The following NLGN4X variants were observed in gnomAD, a reference collection of about 807,000 sequenced individuals.
NLGN4X encodes the protein neuroligin 4 X-linked.
A neutral mutation model predicts 40.3 loss-of-function variants in NLGN4X; 3 were observed. The ratio of observed to expected loss-of-function variants is 0.07; its 90% CI spans 0.03 to 0.19. The LOEUF is 0.19. NLGN4X is among the 10% of genes least tolerant of loss of function. The probability of loss-of-function intolerance (pLI) is 1.00; values close to 1 mark genes in which losing one functional copy is unlikely to be tolerated. For synonymous variants in NLGN4X, 270 were observed against 306.8 expected (o/e 0.88, Z 1.25); for missense variants, 382 against 708.3 (o/e 0.54, Z 5.23).
intron 4 of NLGN4X, among the ~76,000 whole-genome samples, chrX:5,905,253 G>A (rs1427687673): frequency 9.0e-6 from 1 of 111,438 alleles, no homozygotes. Flanking sequence ...TTATTTGTAT[G>A]TTAGGGAAGT....
Position 6,048,080 on chromosome X carries a change from C to A in NLGN4X, c.473-18648G>T, listed in dbSNP as rs142857124. On this transcript the variant is annotated intron_variant, in intron 2 of 5. Coordinates refer to ENST00000381095, the MANE Select transcript of NLGN4X (RefSeq NM_181332.3). The stretch of plus-strand genomic sequence containing the variant: ...CCTGTGCTTCCACCAGCTGCCATTG[C>A]TCTCAAGCCCTCTGTGCTCTGTTGG... Among the ~76,000 whole-genome samples, 376 of 111,627 alleles carry A rather than the reference C, an allele frequency of 3.4e-3. 1 individual carries two copies. The highest frequency in any genetic ancestry group is 0.01 in the African/African-American group (307 of 30,649).
chrX:5,964,148 C>T (rs958207449), intron 3 of NLGN4X, among the ~76,000 whole-genome samples: 1 of 111,400 alleles, frequency 9.0e-6, no homozygotes, highest in Admixed American at 9.6e-5. Flanking sequence ...GGAAGACTAT[C>T]AACAGGATGA....
intron 1 of NLGN4X, among the ~76,000 whole-genome samples, chrX:6,218,025 G>T (rs1391174620): frequency 9.0e-6 from 1 of 111,612 alleles, no homozygotes; most frequent in Non-Finnish European, 1.9e-5. Flanking sequence ...TATCCGTTCC[G>T]CCTAATTCCC....
chrX:6,053,135 C>A (rs998617800), intron 2 of NLGN4X, among the ~76,000 whole-genome samples: 4 of 111,755 alleles, frequency 3.6e-5, no homozygotes, highest in African/African-American at 1.3e-4. Flanking sequence ...GAAATCCCCC[C>A]ATGAGACTGA....
chrX:6,099,509 T>G (rs968784219), intron 2 of NLGN4X, among the ~76,000 whole-genome samples: 1 of 112,357 alleles, frequency 8.9e-6, no homozygotes, highest in Non-Finnish European at 1.9e-5. Flanking sequence ...CTCATTCACT[T>G]AAGTGTTTCC....
chrX:5,921,391 C>CAGAGAGAGAGAGAGAGAGAGAGAG lies in NLGN4X; in HGVS notation c.626-12176_626-12153dup, dbSNP rs56879029. On this transcript the variant is annotated intron_variant, in intron 3 of 5. Coordinates refer to ENST00000381095, the MANE Select transcript of NLGN4X (RefSeq NM_181332.3). ...TGACTCAGCGGCATTGAAAATGAAC[C>CAGAGAGAGAGAGAGAGAGAGAGAG]AGAGAGAGAGAGAGAGAGAGAGAGA... Among the ~76,000 whole-genome samples, 67 of 53,068 alleles carry CAGAGAGAGAGAGAGAGAGAGAGAG rather than the reference C, an allele frequency of 1.3e-3. 3 individuals carry two copies. Among genetic ancestry groups the CAGAGAGAGAGAGAGAGAGAGAGAG allele is most frequent in the Non-Finnish European group, 1.5e-3 (42 of 27,934 alleles). The allele number at this position is 53,068 out of a possible 115,157, so 46.1% of individuals were successfully genotyped here. A position where few individuals can be genotyped will look rare whatever the true frequency, so the allele number is the denominator to read the frequency against.
chrX:6,054,840 TAG>T (rs2037580943), intron 2 of NLGN4X, among the ~76,000 whole-genome samples: 1 of 111,210 alleles, frequency 9.0e-6, no homozygotes, highest in African/African-American at 3.3e-5. Context: ...GTATTTTTAG[TAG>T]AGACAGCGTT....
At position 6,177,406 on chromosome X, in the gene NLGN4X, A is replaced by G. The variant is rs139731120; in HGVS notation, c.-305-25635T>C. 8.6e-3 allele frequency among the ~76,000 whole-genome samples: 960 copies of G among 111,723 alleles called. 8 individuals carry two copies. Among genetic ancestry groups the G allele is most frequent in the African/African-American group, 0.03 (918 of 30,695 alleles). On this transcript the variant is annotated intron_variant, in intron 1 of 5. Transcript: ENST00000381095. ...ACTCCTGACCTCAAGTGATCCACCC[A>G]CCTCAGTGGGTGTAATCCCAAAGTG... is the stretch of plus-strand genomic sequence containing the variant.
At chrX:6,056,931 T>C (rs1386571950) in intron 2 of NLGN4X, among the ~76,000 whole-genome samples, 1 of 111,834 alleles carries the variant, frequency 8.9e-6, no homozygotes. Context: ...AGGAACTGGA[T>C]CAGTGTACAG....
At chrX:5,969,747 C>T (rs2034959764) in intron 3 of NLGN4X, among the ~76,000 whole-genome samples, 1 of 110,046 alleles carries the variant, frequency 9.1e-6, no homozygotes, top group African/African-American at 3.3e-5. Context: ...CGTCACTATT[C>T]GTAATAGCAA....
intron 2 of NLGN4X, among the ~76,000 whole-genome samples, chrX:6,040,114 A>G (rs2037118596): frequency 9.1e-6 from 1 of 109,894 alleles, no homozygotes; most frequent in African/African-American, 3.3e-5. Flanking sequence ...ATTTTGTTCT[A>G]TTTCTTGTAG....
chrX:6,137,703 C>T (rs981024074), intron 2 of NLGN4X, among the ~76,000 whole-genome samples: 2 of 111,854 alleles, frequency 1.8e-5, no homozygotes, highest in African/African-American at 6.5e-5. Context: ...ACTACAAAAC[C>T]TTAAGTTGAA....
intron 2 of NLGN4X, among the ~76,000 whole-genome samples, chrX:6,125,643 A>T (rs1465909609): frequency 8.9e-6 from 1 of 111,793 alleles, no homozygotes; most frequent in Non-Finnish European, 1.9e-5. Flanking sequence ...AAAGAAATGA[A>T]TAAACTAAAA....
At chrX:5,903,014 C>A (rs1292909269) in intron 5 of NLGN4X, 63 bp downstream of exon 5, 1 of 1,174,220 alleles carries the variant, frequency 8.5e-7, no homozygotes, top group African/African-American at 1.8e-5. Context: ...AGAAGCAACA[C>A]CTATATTGAG....
At chrX:6,144,304 C>T (rs7889117) in intron 2 of NLGN4X, among the ~76,000 whole-genome samples, 28,028 of 109,791 alleles carry the variant, frequency 0.26, 2,635 homozygotes, top group Admixed American at 0.29. Flanking sequence ...CCAGAAGGCC[C>T]GAAACCAAAC....
intron 3 of NLGN4X, among the ~76,000 whole-genome samples, chrX:5,987,360 C>T (rs758938658): frequency 5.3e-5 from 6 of 112,313 alleles, no homozygotes; most frequent in East Asian, 2.8e-4. Flanking sequence ...ATGGTTATCA[C>T]GGAGGAGGAT....
At chrX:5,974,687 AC>A (rs1200838381) in intron 3 of NLGN4X, among the ~76,000 whole-genome samples, 3 of 111,229 alleles carry the variant, frequency 2.7e-5, no homozygotes, top group African/African-American at 9.8e-5. Context: ...TCCGTTACCC[AC>A]GGGGGACACG....
intron 2 of NLGN4X, among the ~76,000 whole-genome samples, chrX:6,074,014 T>C (rs2038131783): frequency 9.1e-6 from 1 of 110,361 alleles, no homozygotes; most frequent in Admixed American, 9.7e-5. Flanking sequence ...ACATTTGTCT[T>C]TGTTCTTTAA....
intron 3 of NLGN4X, among the ~76,000 whole-genome samples, chrX:5,993,288 T>C (rs2035732908): frequency 9.0e-6 from 1 of 111,353 alleles, no homozygotes; most frequent in Non-Finnish European, 1.9e-5. Context: ...GGAAAACTTA[T>C]ACCTCACTGG....
Sources: gnomAD v4.1 joint callset for allele counts (sites outside exome capture counted in the v4.1 genomes callset) on GRCh38, gnomAD v4.1.1 for gene constraint, MANE v1.5 for transcripts, NCBI Gene and HGNC (gene_info 2026-07-23, HGNC 2026-07-21) for gene names.